Variants in DOCK3 observed in about 807,000 individuals in gnomAD.
DOCK3 encodes the protein dedicator of cytokinesis protein 3.
Under a neutral mutation model 265.6 loss-of-function variants are expected in DOCK3, and 60 were observed. The observed-to-expected ratio is 0.23, with a 90% CI of 0.18 to 0.28. The LOEUF (loss-of-function observed/expected upper bound fraction) is 0.28, where lower values mean the gene tolerates loss of function less well. DOCK3 is among the 10% of genes least tolerant of loss of function. DOCK3 has a pLI of 1.00. For missense variants in DOCK3, 1,981 were observed against 2,594.3 expected (o/e 0.76, Z 5.14); for synonymous variants, 881 against 938.0 (o/e 0.94, Z 1.11).
At chr3:50,783,095 A>G (rs1355391808) in intron 2 of DOCK3, among the ~76,000 whole-genome samples, 1 of 151,402 alleles carries the variant, frequency 6.6e-6, no homozygotes, top group Non-Finnish European at 1.5e-5. Flanking sequence ...CATTTGGGCT[A>G]GTTCCATATT....
At chr3:51,240,677 T>C (rs1463423823) in intron 21 of DOCK3, among the ~76,000 whole-genome samples, 3 of 152,222 alleles carry the variant, frequency 2.0e-5, no homozygotes, top group African/African-American at 7.2e-5. Context: ...TTCAACATTA[T>C]GTAATACCCT....
intron 5 of DOCK3, among the ~76,000 whole-genome samples, chr3:50,951,131 C>G (rs1405427499): frequency 1.3e-5 from 2 of 152,194 alleles, no homozygotes; most frequent in Admixed American, 1.3e-4. Context: ...TATACACTTA[C>G]AGCTATTTTG....
intron 27 of DOCK3, among the ~76,000 whole-genome samples, chr3:51,307,566 G>A (rs530160025): frequency 6.6e-6 from 1 of 152,104 alleles, no homozygotes; most frequent in South Asian, 2.1e-4. Context: ...TTTTTTATGT[G>A]TATGTGTTGG....
intron 22 of DOCK3, among the ~76,000 whole-genome samples, chr3:51,257,248 C>T (rs2079598385): frequency 6.6e-6 from 1 of 152,182 alleles, no homozygotes; most frequent in Non-Finnish European, 1.5e-5. Flanking sequence ...GTCTCCTTCA[C>T]CAGATTAGTA....
rs774696713 is a variant in DOCK3 at position 51,143,801 on chromosome 3, C to G, written c.747-2748C>G. Among the ~76,000 whole-genome samples the G allele has an allele frequency of 3.9e-5, 6 of 152,166 alleles. No homozygotes were observed. The South Asian group carries it at 1.2e-3, about 32-fold the overall frequency. On this transcript the variant is annotated intron_variant, in intron 9 of 52. Transcript: ENST00000266037. Reference sequence around the variant, plus strand: ...GTAGCTTGTCCTTTCATTTTCTCACCAGTATCTTTTAAAAAGAAAGCTTTT... The same window carrying G: ...GTAGCTTGTCCTTTCATTTTCTCACGAGTATCTTTTAAAAAGAAAGCTTTT...
chr3:51,011,357 G>A (rs556465173), intron 5 of DOCK3, among the ~76,000 whole-genome samples: 4 of 151,990 alleles, frequency 2.6e-5, no homozygotes, highest in African/African-American at 7.2e-5. Flanking sequence ...TTCTCTTCTC[G>A]CTTCATTTCA....
chr3:51,078,390 G>C (rs2082123154), intron 7 of DOCK3, among the ~76,000 whole-genome samples: 1 of 152,056 alleles, frequency 6.6e-6, no homozygotes, highest in Non-Finnish European at 1.5e-5. Context: ...ATTCAGAAGA[G>C]AGAATAAAGA....
intron 2 of DOCK3, among the ~76,000 whole-genome samples, chr3:50,819,746 G>A (rs2044293338): frequency 6.6e-6 from 1 of 152,210 alleles, no homozygotes; most frequent in Non-Finnish European, 1.5e-5. Context: ...TGGATAACTT[G>A]AGGTCAGGAG....
intron 9 of DOCK3, among the ~76,000 whole-genome samples, chr3:51,112,102 CTG>C (rs1189702317): frequency 6.6e-6 from 1 of 152,134 alleles, no homozygotes; most frequent in Non-Finnish European, 1.5e-5. Flanking sequence ...CACTTATACA[CTG>C]TTGGTGGGAG....
chr3:51,024,596 C>T (rs1465674562), intron 5 of DOCK3, among the ~76,000 whole-genome samples: 1 of 152,170 alleles, frequency 6.6e-6, no homozygotes, highest in African/African-American at 2.4e-5. Context: ...ACTGTTTTCC[C>T]AGTGTTCTGG....
At chr3:50,983,081 G>T (rs1186484057) in intron 5 of DOCK3, among the ~76,000 whole-genome samples, 1 of 152,216 alleles carries the variant, frequency 6.6e-6, no homozygotes, top group African/African-American at 2.4e-5. Context: ...GCCCAGCCAG[G>T]TGTGTGCATG....
At chr3:51,012,310 C>G (rs1477078780) in intron 5 of DOCK3, among the ~76,000 whole-genome samples, 1 of 152,158 alleles carries the variant, frequency 6.6e-6, no homozygotes. Flanking sequence ...GTTCGAGCTT[C>G]GAGGCCACTG....
intron 6 of DOCK3, among the ~76,000 whole-genome samples, chr3:51,065,101 G>T (rs1466493153): frequency 1.3e-5 from 2 of 152,040 alleles, no homozygotes; most frequent in African/African-American, 4.8e-5. Context: ...ACTATGATTT[G>T]CTATTGCCAT....
At chr3:50,746,695 T>G (rs897171407) in intron 1 of DOCK3, among the ~76,000 whole-genome samples, 1 of 152,028 alleles carries the variant, frequency 6.6e-6, no homozygotes, top group African/African-American at 2.4e-5. Context: ...CTCAGGAAGC[T>G]TACAGGCATG....
chr3:51,225,574 C>A (rs925620959), intron 14 of DOCK3, 75 bp from the exon 15 acceptor site: 4 of 1,522,534 alleles, frequency 2.6e-6, no homozygotes, highest in Non-Finnish European at 3.5e-6. Flanking sequence ...GATCCAAATG[C>A]TAGCCTAGTT....
rs531593454 is a variant in DOCK3 at position 50,825,815 on chromosome 3, A to G, written c.122-15860A>G. On this transcript the variant is annotated intron_variant, in intron 2 of 52. Transcript: ENST00000266037. ...TTTATTGCCTCTGAGTTCCAGACCC[A>G]CCCTTACAACCCCTTGTTATGATGC... Among the ~76,000 whole-genome samples the G allele has an allele frequency of 1.4e-3, 217 of 152,166 alleles. 7 individuals carry two copies. The South Asian group carries it at 0.044, about 31-fold the overall frequency.
chr3:51,373,810 C>A (rs2087871402), intron 49 of DOCK3, among the ~76,000 whole-genome samples: 1 of 152,202 alleles, frequency 6.6e-6, no homozygotes, highest in South Asian at 2.1e-4. Context: ...AGAGCAAAAC[C>A]CCGGAGAGCA....
intron 1 of DOCK3, among the ~76,000 whole-genome samples, chr3:50,769,223 G>A (rs911803323): frequency 1.3e-5 from 2 of 151,874 alleles, no homozygotes; most frequent in African/African-American, 2.4e-5. Flanking sequence ...TTAGTTTAAT[G>A]TAATCCTTTT....
chr3:50,912,048 G>T (rs2049881802), intron 4 of DOCK3, among the ~76,000 whole-genome samples: 1 of 151,962 alleles, frequency 6.6e-6, no homozygotes, highest in Non-Finnish European at 1.5e-5. Context: ...TACTGAATTT[G>T]CCTTTCAGTT....
Sources: gnomAD v4.1 joint callset for allele counts (sites outside exome capture counted in the v4.1 genomes callset) on GRCh38, gnomAD v4.1.1 for gene constraint, MANE v1.5 for transcripts, NCBI Gene and HGNC (gene_info 2026-07-23, HGNC 2026-07-21) for gene names.